The following NEK11 variants were observed in gnomAD, a reference collection of about 807,000 sequenced individuals.
The protein encoded by NEK11 is serine/threonine-protein kinase Nek11.
Under a neutral mutation model 80.7 loss-of-function variants are expected in NEK11, and 72 were observed. The observed-to-expected ratio is 0.89, with a 90% confidence interval of 0.74 to 1.08. The LOEUF is 1.08. NEK11 is among the 50% of genes least tolerant of loss of function. The pLI is 0.00. For synonymous variants in NEK11, 251 were observed against 260.7 expected, an observed-to-expected ratio of 0.96 and a Z score of 0.36; for missense variants, 764 against 763.6, an observed-to-expected ratio of 1.00 and a Z score of -0.01.
chr3:131,052,893 G>A (rs372112035), intron 3 of NEK11, among the ~76,000 whole-genome samples: 5 of 152,270 alleles, frequency 3.3e-5, no homozygotes, highest in African/African-American at 1.2e-4. Context: ...CATTGAACCA[G>A]TTTCTTTACT....
intron 16 of NEK11, among the ~76,000 whole-genome samples, chr3:131,271,040 A>C (rs1401073865): frequency 1.1e-4 from 16 of 151,982 alleles, no homozygotes; most frequent in Non-Finnish European, 5.9e-5. Flanking sequence ...CCTCTTGCCC[A>C]CTCCCCAAGC....
rs761296209 is a variant in NEK11, at chr3:131,227,578, T to C, written c.1400-950T>C. Among the ~76,000 whole-genome samples the C allele has an allele frequency of 3.3e-5, 5 of 152,298 alleles. No homozygotes were observed. The South Asian group carries it at 6.2e-4, about 19-fold the overall frequency. ...CATATTTTTCCCACTAGACCAGAAA[T>C]AGCAACAATAGATTGAAAAATAATG... On this transcript the variant is annotated intron_variant, in intron 14 of 17. Transcript: ENST00000383366.
At chr3:131,313,875 C>T (rs1041104967) in intron 17 of NEK11, among the ~76,000 whole-genome samples, 1 of 152,118 alleles carries the variant, frequency 6.6e-6, no homozygotes, top group African/African-American at 2.4e-5. Context: ...CAACATTGTG[C>T]GTTTTCCTAA....
In NEK11 at chr3:131,119,941, G is replaced by A. The variant is rs144474248; in HGVS notation, c.455+10020G>A. 3.0e-3 allele frequency among the ~76,000 whole-genome samples: 464 copies of A among 152,274 alleles called. 1 individual carries two copies. The highest frequency in any genetic ancestry group is 0.011 in the African/African-American group (443 of 41,558). On this transcript the variant is annotated intron_variant, in intron 5 of 17. Coordinates refer to ENST00000383366, the MANE Select transcript of NEK11 (RefSeq NM_024800.5). ...TCTTGACTCTTTATCCAATTTGCCA[G>A]TCTGTGTCTTTTAATTGGAGCATTT...
chr3:131,110,987 C>A (rs2080040482), intron 5 of NEK11, among the ~76,000 whole-genome samples: 1 of 152,054 alleles, frequency 6.6e-6, no homozygotes, highest in Non-Finnish European at 1.5e-5. Context: ...TAATAAGCTA[C>A]CCAAAGCTAC....
chr3:131,036,677 T>C (rs962589475), intron 3 of NEK11, among the ~76,000 whole-genome samples: 24 of 152,220 alleles, frequency 1.6e-4, no homozygotes, highest in African/African-American at 5.1e-4. Flanking sequence ...TCACAATTTG[T>C]TGAGCATCAG....
chr3:131,100,658 G>T (rs911812496), intron 4 of NEK11, among the ~76,000 whole-genome samples: 3 of 152,086 alleles, frequency 2.0e-5, no homozygotes, highest in African/African-American at 7.2e-5. Context: ...TTTTATTGAG[G>T]ATTTTTGCAT....
intron 14 of NEK11, among the ~76,000 whole-genome samples, chr3:131,211,762 G>A (rs2094625151): frequency 6.6e-6 from 1 of 152,042 alleles, no homozygotes; most frequent in Admixed American, 6.6e-5. Flanking sequence ...GATGGAATCG[G>A]CTACTGAAGC....
At chr3:131,126,959 C>CTTTTTTTTTTTTTTTTTTT (rs71133688) in intron 5 of NEK11, among the ~76,000 whole-genome samples, 7 of 90,120 alleles carry the variant, frequency 7.8e-5, no homozygotes, top group East Asian at 3.2e-4. Flanking sequence ...TTCTTTCTTT[C>CTTTTTTTTTTTTTTTTTTT]TTTTTTTTTT....
intron 17 of NEK11, among the ~76,000 whole-genome samples, chr3:131,346,409 C>T (rs1171439616): frequency 6.6e-6 from 1 of 152,012 alleles, no homozygotes. Context: ...ACTGGGGAAA[C>T]ACGGTAAGAT....
intron 5 of NEK11, among the ~76,000 whole-genome samples, chr3:131,117,600 C>T (rs945209356): frequency 5.9e-5 from 9 of 152,146 alleles, no homozygotes; most frequent in African/African-American, 2.2e-4. Flanking sequence ...ATTCTTCCTA[C>T]CCATGAGCAT....
chr3:131,257,950 T>C (rs2095845813), intron 16 of NEK11, among the ~76,000 whole-genome samples: 1 of 150,270 alleles, frequency 6.7e-6, no homozygotes, highest in Non-Finnish European at 1.5e-5. Flanking sequence ...GAAAATGTGG[T>C]ATATATATAT....
chr3:131,346,170 T>A (rs2097360651), intron 17 of NEK11, among the ~76,000 whole-genome samples: 1 of 152,148 alleles, frequency 6.6e-6, no homozygotes, highest in Admixed American at 6.5e-5. Flanking sequence ...GAATTTTTGT[T>A]AAATAAGTAG....
intron 16 of NEK11, among the ~76,000 whole-genome samples, chr3:131,247,435 A>G (rs2095621520): frequency 6.6e-6 from 1 of 151,988 alleles, no homozygotes; most frequent in Admixed American, 6.6e-5. Context: ...CTATAAGTAT[A>G]TGGCTTTATT....
chr3:131,095,493 C>T (rs560610731), intron 4 of NEK11, among the ~76,000 whole-genome samples: 2 of 152,078 alleles, frequency 1.3e-5, no homozygotes, highest in African/African-American at 4.8e-5. Context: ...AATTATAATG[C>T]AATTGACAAG....
chr3:131,159,409 T>A (rs1380828860), intron 10 of NEK11, among the ~76,000 whole-genome samples: 1 of 152,136 alleles, frequency 6.6e-6, no homozygotes, highest in Non-Finnish European at 1.5e-5. Context: ...ATACAGGAGC[T>A]GACAGAAAAA....
At chr3:131,250,081 G>T (rs2095672056) in intron 16 of NEK11, among the ~76,000 whole-genome samples, 1 of 151,900 alleles carries the variant, frequency 6.6e-6, no homozygotes, top group Non-Finnish European at 1.5e-5. Context: ...ATCATACAGA[G>T]AATAAGAAAG....
intron 17 of NEK11, among the ~76,000 whole-genome samples, chr3:131,345,193 G>C (rs1443449344): frequency 1.3e-5 from 2 of 151,706 alleles, no homozygotes; most frequent in Non-Finnish European, 2.9e-5. Flanking sequence ...ATAAATTAAT[G>C]GGAGTATGTA....
intron 14 of NEK11, chr3:131,174,645 G>A (rs1183784130): frequency 3.8e-6 from 4 of 1,044,884 alleles, no homozygotes; most frequent in South Asian, 1.7e-5. Flanking sequence ...AAGTACAACT[G>A]GAATGTTAAA....
Sources: gnomAD v4.1 joint callset for allele counts (sites outside exome capture counted in the v4.1 genomes callset) on GRCh38, gnomAD v4.1.1 for gene constraint, MANE v1.5 for transcripts, NCBI Gene and HGNC (gene_info 2026-07-23, HGNC 2026-07-21) for gene names.